The following KCNE4 variants were observed in gnomAD, a reference collection of about 807,000 sequenced individuals.
KCNE4 encodes potassium voltage-gated channel subfamily E regulatory subunit 4, also known as potassium voltage-gated channel subfamily E member 4.
A neutral mutation model predicts 9.2 loss-of-function variants in KCNE4; 6 were observed. The observed-to-expected ratio is 0.65, with a 90% CI of 0.36 to 1.29. KCNE4 has a LOEUF of 1.29. KCNE4 is among the 50% of genes most tolerant of loss of function. KCNE4 has a pLI of 0.03. For missense variants in KCNE4, 222 were observed against 228.8 expected, an observed-to-expected ratio of 0.97 and a Z score of 0.19; for synonymous variants, 115 against 103.2, an observed-to-expected ratio of 1.11 and a Z score of -0.70.
In KCNE4 at chr2:223,053,257, G is replaced by A. The variant is rs1191326889; in HGVS notation, c.427G>A (p.Ala143Thr). 1 of 1,613,946 alleles carries A rather than the reference G, an allele frequency of 6.2e-7. No homozygotes were observed. Among genetic ancestry groups the A allele is most frequent in the East Asian group, 2.2e-5 (1 of 44,854 alleles). Reference sequence around the variant, plus strand: ...GCACCTCACCATTCAGGAGGAGGGGGCAGACGATGAGCTGGAGGAGACCTC... The same window carrying A: ...GCACCTCACCATTCAGGAGGAGGGGACAGACGATGAGCTGGAGGAGACCTC... ...DVHLTIQEEGADDELEETSET... is the reference protein window; with the variant it reads ...DVHLTIQEEGTDDELEETSET... Residue 143 changes from alanine to threonine, a missense_variant, in exon 2 of 2, where the codon GCA becomes ACA. Transcript: ENST00000281830. This position sits in a 1 kb window ranked among gnomAD's most constrained non-coding sequence, Gnocchi z 4.1.
Position 223,052,836 on chromosome 2 carries a change from G to A in KCNE4, c.6G>A (p.Leu2=). ...CTGCTGTGGAGGCAGCCTCAATGCT[G>A]AAAATGGAGCCTCTGAACAGCACGC... The part of the protein sequence containing the change: M[L]KMEPLNSTHP... Residue 2 remains leucine, a synonymous_variant, in exon 2 of 2, where the codon CTG becomes CTA. Coordinates refer to ENST00000281830, the MANE Select transcript of KCNE4 (RefSeq NM_080671.4). The A allele has an allele frequency of 6.2e-7, 1 of 1,611,430 alleles. No individual in the cohort carries two copies. Among genetic ancestry groups the A allele is most frequent in the Non-Finnish European group, 8.5e-7 (1 of 1,179,956 alleles).
At position 223,055,194 on chromosome 2, in the gene KCNE4, A is replaced by G. The variant is rs982554902; in HGVS notation, c.*1851A>G. 4 of 165,400 alleles carry G rather than the reference A, an allele frequency of 2.4e-5. No individual in the cohort carries two copies. The highest frequency in any genetic ancestry group is 5.9e-5 in the Non-Finnish European group (4 of 67,920). 10.2% of individuals were successfully genotyped at this position (165,400 alleles called of 1,614,324 possible). On this transcript the variant is annotated 3_prime_UTR_variant, in exon 2 of 2. Coordinates refer to ENST00000281830, the MANE Select transcript of KCNE4 (RefSeq NM_080671.4). ...TTTTAAAGAAAAATGCTCTGCATGGATTGGAGACACAGCAATAACTACTGT... is the reference window on the plus strand; with the variant it reads ...TTTTAAAGAAAAATGCTCTGCATGGGTTGGAGACACAGCAATAACTACTGT...
In KCNE4 at chr2:223,055,283, G is replaced by A. The variant is rs1460710042; in HGVS notation, c.*1940G>A. On this transcript the variant is annotated 3_prime_UTR_variant, in exon 2 of 2. Coordinates refer to ENST00000281830, the MANE Select transcript of KCNE4 (RefSeq NM_080671.4). ...AGTCCGCTTTGACATACAGCTAAAG[G>A]AAATTTATGTTTGGGGGAAAAAGGC... The A allele has an allele frequency of 6.0e-6, 1 of 167,052 alleles. No homozygotes were observed. Among genetic ancestry groups the A allele is most frequent in the Non-Finnish European group, 1.5e-5 (1 of 68,122 alleles). 10.3% of individuals were successfully genotyped at this position (167,052 alleles called of 1,614,324 possible).
At chr2:223,052,680 C>G in intron 1 of KCNE4, 128 bp from the exon 2 acceptor site, 1 of 1,047,800 alleles carries the variant, frequency 9.5e-7, no homozygotes, top group Non-Finnish European at 1.4e-6. Flanking sequence ...TTTGGCGAAC[C>G]CTCTTATGCT....
At position 223,054,232 on chromosome 2, in the gene KCNE4, C is replaced by G. The variant is rs1225052279; in HGVS notation, c.*889C>G. On this transcript the variant is annotated 3_prime_UTR_variant, in exon 2 of 2. Transcript: ENST00000281830. The stretch of plus-strand genomic sequence containing the variant: ...TGGGAGAGGACATAATGTGGTATTT[C>G]GTCACGTAGCTGAGACCTAGAAGGG... 1 of 167,018 alleles carries G rather than the reference C, an allele frequency of 6.0e-6. No individual in the cohort carries two copies. The highest frequency in any genetic ancestry group is 1.5e-5 in the Non-Finnish European group (1 of 68,126). 10.3% of individuals were successfully genotyped at this position (167,018 alleles called of 1,614,324 possible). A position where few individuals can be genotyped will look rare whatever the true frequency, so the allele number is the denominator to read the frequency against.
chr2:223,053,176 A>G lies in KCNE4; in HGVS notation c.346A>G (p.Thr116Ala). 6.2e-7 allele frequency: 1 copy of G among 1,611,366 alleles called. No individual in the cohort carries two copies. The highest frequency in any genetic ancestry group is 8.5e-7 in the Non-Finnish European group (1 of 1,178,252). ...GAGCGTGGCGCCCGCGCTGTCCTGC[A>G]CCCTCTGTTCCATGGAAGGGGACAG... ...QESVAPALSCTLCSMEGDSVS... is the reference protein window; with the variant it reads ...QESVAPALSCALCSMEGDSVS... The change falls in exon 2 of 2, where the codon ACC becomes GCC. Residue 116 changes from threonine to alanine, a missense_variant. Coordinates refer to ENST00000281830, the MANE Select transcript of KCNE4 (RefSeq NM_080671.4). The surrounding 1 kb of genome is among the most constrained non-coding windows in gnomAD (Gnocchi z 4.1).
Position 223,052,211 on chromosome 2 carries a change from C to T in KCNE4, c.-87C>T. 8.1e-7 allele frequency: 1 copy of T among 1,233,610 alleles called. No homozygotes were observed. The highest frequency in any genetic ancestry group is 1.6e-5 in the African/African-American group (1 of 64,512). The allele number at this position is 1,233,610 out of a possible 1,614,324, so 76.4% of individuals were successfully genotyped here. On this transcript the variant is annotated 5_prime_UTR_variant, in exon 1 of 2. Coordinates refer to ENST00000281830, the MANE Select transcript of KCNE4 (RefSeq NM_080671.4). The stretch of plus-strand genomic sequence containing the variant: ...TGTCAGAGCGCAGAGCCGGACAGAG[C>T]AGAAGAACCCTCTTGGACTGGACGA...
rs776985456 is a variant in KCNE4, at chr2:223,052,925, A to G, written c.95A>G (p.Asn32Ser). ...CGTGCGGCCGGCGGCGGCAGCGGCA[A>G]TGGCAACGAGTACTTCTACATTCTG... Reference protein sequence around the residue: ...ESRAAGGGSGNGNEYFYILVV... With the variant: ...ESRAAGGGSGSGNEYFYILVV... Residue 32 changes from asparagine to serine, a missense_variant, in exon 2 of 2, where the codon AAT (asparagine) becomes AGT (serine). By Grantham distance (46) the Asn-to-Ser change is conservative (BLOSUM62 1). Coordinates refer to ENST00000281830, the MANE Select transcript of KCNE4 (RefSeq NM_080671.4). The G allele has an allele frequency of 9.3e-6, 15 of 1,614,036 alleles. No homozygotes were observed. The highest frequency in any genetic ancestry group is 1.2e-5 in the Non-Finnish European group (14 of 1,180,006).
Position 223,053,385 on chromosome 2 carries a change from C to A in KCNE4, c.*42C>A. The A allele has an allele frequency of 1.9e-6, 3 of 1,566,328 alleles. No homozygotes were observed. Among genetic ancestry groups the A allele is most frequent in the Non-Finnish European group, 1.7e-6 (2 of 1,143,878 alleles). On this transcript the variant is annotated 3_prime_UTR_variant, in exon 2 of 2. Transcript: ENST00000281830. The surrounding 1 kb of genome is among the most constrained non-coding windows in gnomAD (Gnocchi z 4.1). Reference sequence around the variant, plus strand: ...GCCGGTGGCTCCATCAGCCAGCAACCTTAGAGAGAGGAAAGACAGTTTTCA... The same window carrying A: ...GCCGGTGGCTCCATCAGCCAGCAACATTAGAGAGAGGAAAGACAGTTTTCA...
chr2:223,052,228 A>T lies in KCNE4; in HGVS notation c.-70A>T. On this transcript the variant is annotated 5_prime_UTR_variant, in exon 1 of 2. Transcript: ENST00000281830. The stretch of plus-strand genomic sequence containing the variant: ...GGACAGAGCAGAAGAACCCTCTTGG[A>T]CTGGACGATTTGGGAATTCAAAACT... 8.1e-7 allele frequency: 1 copy of T among 1,235,710 alleles called. No individual in the cohort carries two copies. The highest frequency in any genetic ancestry group is 1.0e-6 in the Non-Finnish European group (1 of 990,496). 76.5% of individuals were successfully genotyped at this position (1,235,710 alleles called of 1,614,324 possible). A position where few individuals can be genotyped will look rare whatever the true frequency, so the allele number is the denominator to read the frequency against.
Position 223,053,314 on chromosome 2 carries a change from T to C in KCNE4, c.484T>C (p.Ser162Pro), listed in dbSNP as rs774327388. The C allele has an allele frequency of 5.6e-6, 9 of 1,613,284 alleles. No homozygotes were observed. Among genetic ancestry groups the C allele is most frequent in the Non-Finnish European group, 7.6e-6 (9 of 1,179,856 alleles). ...ETPLNESSEG[S>P]SENIHQNS ...GCCCCTCAACGAGAGCAGCGAAGGG[T>C]CCTCGGAGAACATCCATCAGAATTC... Residue 162 changes from serine to proline, a missense_variant, in exon 2 of 2, where the codon TCC becomes CCC. Ser to Pro is a moderately conservative substitution (Grantham distance 74, BLOSUM62 -1). Coordinates refer to ENST00000281830, the MANE Select transcript of KCNE4 (RefSeq NM_080671.4). The surrounding 1 kb of genome is among the most constrained non-coding windows in gnomAD (Gnocchi z 4.1).
chr2:223,053,277 G>A lies in KCNE4; in HGVS notation c.447G>A (p.Glu149=). Residue 149 remains glutamate, a synonymous_variant, in exon 2 of 2, where the codon GAG becomes GAA. Transcript: ENST00000281830. The surrounding 1 kb of genome is among the most constrained non-coding windows in gnomAD (Gnocchi z 4.1). The part of the protein sequence containing the change: ...QEEGADDELE[E]TSETPLNESS... ...AGGGGGCAGACGATGAGCTGGAGGA[G>A]ACCTCGGAGACGCCCCTCAACGAGA... The A allele has an allele frequency of 6.2e-7, 1 of 1,614,008 alleles. No individual in the cohort carries two copies. Among genetic ancestry groups the A allele is most frequent in the African/African-American group, 1.3e-5 (1 of 75,064 alleles).
At position 223,052,818 on chromosome 2, in the gene KCNE4, G is replaced by A. The variant is rs1380883224; in HGVS notation, c.-13G>A. 1 of 1,608,856 alleles carries A rather than the reference G, an allele frequency of 6.2e-7. No individual in the cohort carries two copies. The highest frequency in any genetic ancestry group is 1.3e-5 in the African/African-American group (1 of 74,898). ...CGGCTTTTTCCCCAGCCCCTGCTGT[G>A]GAGGCAGCCTCAATGCTGAAAATGG... On this transcript the variant is annotated 5_prime_UTR_variant, in exon 2 of 2. Coordinates refer to ENST00000281830, the MANE Select transcript of KCNE4 (RefSeq NM_080671.4).
In KCNE4 at chr2:223,053,145, G is replaced by A. The variant is rs1448509560; in HGVS notation, c.315G>A (p.Leu105=). 2 of 1,612,218 alleles carry A rather than the reference G, an allele frequency of 1.2e-6. No homozygotes were observed. The highest frequency in any genetic ancestry group is 4.5e-5 in the East Asian group (2 of 44,818). The change falls in exon 2 of 2, where the codon CTG becomes CTA. Residue 105 remains leucine (L), a synonymous_variant. Transcript: ENST00000281830. This position sits in a 1 kb window ranked among gnomAD's most constrained non-coding sequence, Gnocchi z 4.1. ...SVQVPLMLNM[L]QESVAPALSC... The stretch of plus-strand genomic sequence containing the variant: ...AGGTGCCCCTGATGCTGAACATGCT[G>A]CAGGAGAGCGTGGCGCCCGCGCTGT...
At chr2:223,052,779 A>G (rs1390525265) in intron 1 of KCNE4, 29 bp from the exon 2 acceptor site, 1 of 1,599,976 alleles carries the variant, frequency 6.3e-7, no homozygotes, top group Non-Finnish European at 8.5e-7. Flanking sequence ...GACCTGGGGG[A>G]GAGTTCTAAC....
Position 223,054,238 on chromosome 2 carries a change from G to A in KCNE4, c.*895G>A, listed in dbSNP as rs41314655. ...AGGACATAATGTGGTATTTCGTCAC[G>A]TAGCTGAGACCTAGAAGGGCATACT... is the stretch of plus-strand genomic sequence containing the variant. On this transcript the variant is annotated 3_prime_UTR_variant, in exon 2 of 2. Transcript: ENST00000281830. The A allele has an allele frequency of 2.4e-5, 4 of 167,056 alleles. No homozygotes were observed. Among genetic ancestry groups the A allele is most frequent in the Admixed American group, 1.3e-4 (2 of 15,284 alleles). The allele number at this position is 167,056 out of a possible 1,614,324, so 10.3% of individuals were successfully genotyped here.
chr2:223,053,350 C>A lies in KCNE4; in HGVS notation c.*7C>A. On this transcript the variant is annotated 3_prime_UTR_variant, in exon 2 of 2. Coordinates refer to ENST00000281830, the MANE Select transcript of KCNE4 (RefSeq NM_080671.4). The surrounding 1 kb of genome is among the most constrained non-coding windows in gnomAD (Gnocchi z 4.1). ...CATCCATCAGAATTCCTAGCACCCC[C>A]GGGACCCCTGCCGGTGGCTCCATCA... 1 of 1,612,354 alleles carries A rather than the reference C, an allele frequency of 6.2e-7. No homozygotes were observed. The highest frequency in any genetic ancestry group is 8.5e-7 in the Non-Finnish European group (1 of 1,179,336).
chr2:223,055,282 G>C lies in KCNE4; in HGVS notation c.*1939G>C, dbSNP rs1383263504. The C allele has an allele frequency of 6.0e-6, 1 of 166,956 alleles. No individual in the cohort carries two copies. Among genetic ancestry groups the C allele is most frequent in the African/African-American group, 2.4e-5 (1 of 41,390 alleles). 10.3% of individuals were successfully genotyped at this position (166,956 alleles called of 1,614,324 possible). On this transcript the variant is annotated 3_prime_UTR_variant, in exon 2 of 2. Transcript: ENST00000281830. ...CAGTCCGCTTTGACATACAGCTAAA[G>C]GAAATTTATGTTTGGGGGAAAAAGG...
In KCNE4 at chr2:223,053,458, C is replaced by A; in HGVS notation, c.*115C>A. 1 of 1,096,102 alleles carries A rather than the reference C, an allele frequency of 9.1e-7. No homozygotes were observed. The highest frequency in any genetic ancestry group is 1.4e-6 in the Non-Finnish European group (1 of 734,562). The allele number at this position is 1,096,102 out of a possible 1,614,324, so 67.9% of individuals were successfully genotyped here. A position where few individuals can be genotyped will look rare whatever the true frequency, so the allele number is the denominator to read the frequency against. The stretch of plus-strand genomic sequence containing the variant: ...GTGCGGCTGCCACTTTGAAGAGACC[C>A]TTGGTAAACCCCTGATTCGGGGTGG... On this transcript the variant is annotated 3_prime_UTR_variant, in exon 2 of 2. Coordinates refer to ENST00000281830, the MANE Select transcript of KCNE4 (RefSeq NM_080671.4). This position sits in a 1 kb window ranked among gnomAD's most constrained non-coding sequence, Gnocchi z 4.1.
Sources: allele counts gnomAD v4.1 joint callset, GRCh38; gene constraint gnomAD v4.1.1; non-coding constraint Gnocchi (gnomAD v3.1); transcripts MANE v1.5; gene names NCBI Gene and HGNC (gene_info 2026-07-23, HGNC 2026-07-21).